The following SETD1A variants were observed in gnomAD, a reference collection of about 807,000 sequenced individuals.
The protein encoded by SETD1A is SET domain containing 1A, histone lysine methyltransferase.
SETD1A carries 29 observed loss-of-function variants against 149.9 expected under a neutral mutation model. The ratio of observed to expected loss-of-function variants is 0.19; its 90% CI spans 0.14 to 0.26. The LOEUF is 0.26. SETD1A is among the 10% of genes least tolerant of loss of function. The pLI is 1.00. For missense variants in SETD1A, 2,109 were observed against 2,353.1 expected, an observed-to-expected ratio of 0.90 and a Z score of 2.15; for synonymous variants, 1,141 against 968.5, an observed-to-expected ratio of 1.18 and a Z score of -3.31.
intron 12 of SETD1A, 42 bp from the exon 13 acceptor site, chr16:30,971,336 A>G (rs755105953): frequency 5.9e-6 from 9 of 1,535,442 alleles, no homozygotes; most frequent in Non-Finnish European, 7.9e-6. Context: ...TGGCCAAGTG[A>G]GGTCTGCCCA....
At chr16:30,966,530 G>A (rs2056149943) in intron 8 of SETD1A, 144 bp downstream of exon 8, 1 of 1,321,488 alleles carries the variant, frequency 7.6e-7, no homozygotes, top group Non-Finnish European at 1.0e-6. Flanking sequence ...CACCCTGGGT[G>A]GGCAGGGGAG....
chr16:30,983,843 T>C lies in SETD1A; in HGVS notation c.4951-7T>C. On this transcript the variant is annotated splice_region_variant and splice_polypyrimidine_tract_variant and intron_variant, in intron 18 of 18. Coordinates refer to ENST00000262519, the MANE Select transcript of SETD1A (RefSeq NM_014712.3). This position sits in a 1 kb window ranked among gnomAD's most constrained non-coding sequence, Gnocchi z 6.8. Reference sequence around the variant, plus strand: ...TGGCCACGGCTCACACGCCCTTCCATCCGCAGCCTAACTGCTACGCCAAGG... The same window carrying C: ...TGGCCACGGCTCACACGCCCTTCCACCCGCAGCCTAACTGCTACGCCAAGG... 1 of 1,610,128 alleles carries C rather than the reference T, an allele frequency of 6.2e-7. No homozygotes were observed. Among genetic ancestry groups the C allele is most frequent in the East Asian group, 2.2e-5 (1 of 44,768 alleles).
At position 30,971,664 on chromosome 16, in the gene SETD1A, A is replaced by G. The variant is rs1342862340; in HGVS notation, c.3303A>G (p.Ala1101=). ...AGGTGCCAGTGCCGGAAAGGGTTGC[A>G]GGCTCCCCAGTCACACCCCTGCCCG... ...PVEVPVPERV[A]GSPVTPLPEQ... is the part of the protein sequence containing the mutation. Residue 1101 remains alanine, a synonymous_variant, in exon 13 of 19, where the codon GCA becomes GCG. Transcript: ENST00000262519. The G allele has an allele frequency of 6.2e-7, 1 of 1,607,424 alleles. No homozygotes were observed. Among genetic ancestry groups the G allele is most frequent in the Admixed American group, 1.7e-5 (1 of 59,626 alleles).
intron 13 of SETD1A, among the ~76,000 whole-genome samples, chr16:30,975,837 G>A (rs1433558474): frequency 1.3e-5 from 2 of 152,142 alleles, no homozygotes; most frequent in Non-Finnish European, 2.9e-5. Context: ...AGCAAGAAGA[G>A]AGGGCAGGGT....
chr16:30,979,046 G>A (rs997708919), intron 13 of SETD1A, 99 bp from the exon 14 acceptor site: 20 of 1,256,010 alleles, frequency 1.6e-5, no homozygotes, highest in Non-Finnish European at 2.2e-5. Flanking sequence ...TTCCTGGGCG[G>A]AAGTGGGGGA....
chr16:30,981,473 C>T (rs1036076175), intron 17 of SETD1A, among the ~76,000 whole-genome samples: 1 of 152,200 alleles, frequency 6.6e-6, no homozygotes, highest in East Asian at 1.9e-4. Context: ...CTCCTGGGTT[C>T]AAGCGATTCT....
chr16:30,966,777 G>C (rs541770100), intron 8 of SETD1A, 107 bp from the exon 9 acceptor site: 2 of 1,270,602 alleles, frequency 1.6e-6, no homozygotes, highest in South Asian at 1.6e-5. Flanking sequence ...AAGATATGGA[G>C]CAGCAAGTAG....
rs2056121312 is a variant in SETD1A, at chr16:30,965,140, C to T, written c.1398C>T (p.Ala466=). The change falls in exon 7 of 19, where the codon GCC becomes GCT. Residue 466 remains alanine (A), a synonymous_variant. Coordinates refer to ENST00000262519, the MANE Select transcript of SETD1A (RefSeq NM_014712.3). ...VRTSPRPASP[A]RSGSPAPETT... ...CTTCCCCCCGCCCAGCCTCCCCTGC[C>T]CGCTCTGGCTCCCCAGCCCCGGAGA... is the stretch of plus-strand genomic sequence containing the variant. 1 of 1,613,024 alleles carries T rather than the reference C, an allele frequency of 6.2e-7. No homozygotes were observed. Among genetic ancestry groups the T allele is most frequent in the Admixed American group, 1.7e-5 (1 of 60,008 alleles).
chr16:30,960,285 C>T (rs1291968712), intron 3 of SETD1A, among the ~76,000 whole-genome samples: 1 of 152,176 alleles, frequency 6.6e-6, no homozygotes, highest in Non-Finnish European at 1.5e-5. Context: ...GGTTATTGAC[C>T]TGGCCAAGCC....
chr16:30,983,581 T>C lies in SETD1A; in HGVS notation c.4813-54T>C. ...CTGGGGTGCTGGCTGGCAGGCGTGCTCAGGGGCAGGAAGTGGGGGACTCTT... is the reference window on the plus strand; with the variant it reads ...CTGGGGTGCTGGCTGGCAGGCGTGCCCAGGGGCAGGAAGTGGGGGACTCTT... On this transcript the variant is annotated intron_variant, in intron 17 of 18. Coordinates refer to ENST00000262519, the MANE Select transcript of SETD1A (RefSeq NM_014712.3). This position sits in a 1 kb window ranked among gnomAD's most constrained non-coding sequence, Gnocchi z 6.8. The C allele has an allele frequency of 6.3e-7, 1 of 1,581,740 alleles. No individual in the cohort carries two copies. Among genetic ancestry groups the C allele is most frequent in the South Asian group, 1.2e-5 (1 of 86,126 alleles).
In SETD1A at chr16:30,979,331, C is replaced by A. The variant is rs1251065119; in HGVS notation, c.3545C>A (p.Pro1182His). 6.2e-7 allele frequency: 1 copy of A among 1,613,452 alleles called. No individual in the cohort carries two copies. Among genetic ancestry groups the A allele is most frequent in the South Asian group, 1.1e-5 (1 of 91,050 alleles). Residue 1182 changes from proline (P) to histidine (H), a missense_variant, in exon 14 of 19, where the codon CCT becomes CAT. By Grantham distance (77) the Pro-to-His change is moderately conservative (BLOSUM62 -2). Coordinates refer to ENST00000262519, the MANE Select transcript of SETD1A (RefSeq NM_014712.3). ...AIEVVPAPEP[P>H]PATPPQAKFP... Reference sequence around the variant, plus strand: ...GAGGTGGTGCCAGCCCCGGAGCCCCCTCCAGCCACACCGCCGCAGGCCAAG... The same window carrying A: ...GAGGTGGTGCCAGCCCCGGAGCCCCATCCAGCCACACCGCCGCAGGCCAAG...
At chr16:30,969,044 G>A (rs1030931697) in intron 10 of SETD1A, among the ~76,000 whole-genome samples, 2 of 152,110 alleles carry the variant, frequency 1.3e-5, no homozygotes, top group African/African-American at 4.8e-5. Context: ...GCAGGTTGAG[G>A]CTGCAGTGAG....
At position 30,961,447 on chromosome 16, in the gene SETD1A, A is replaced by G. The variant is rs766153397; in HGVS notation, c.427A>G (p.Thr143Ala). 4 of 1,614,032 alleles carry G rather than the reference A, an allele frequency of 2.5e-6. No individual in the cohort carries two copies. In the East Asian group the frequency reaches 8.9e-5, roughly 36 times the overall value. The change falls in exon 4 of 19, where the codon ACC becomes GCC. Residue 143 changes from threonine (T) to alanine (A), a missense_variant. Coordinates refer to ENST00000262519, the MANE Select transcript of SETD1A (RefSeq NM_014712.3). This position sits in a 1 kb window ranked among gnomAD's most constrained non-coding sequence, Gnocchi z 4.0. ...KHLGLARVLF[T>A]STRGAKETVK... ...CCTGGGCCTGGCCCGTGTGCTCTTC[A>G]CCAGCACTCGGGGCGCCAAGGAAAC...
chr16:30,983,817 G>T lies in SETD1A; in HGVS notation c.4951-33G>T. On this transcript the variant is annotated intron_variant, in intron 18 of 18. Coordinates refer to ENST00000262519, the MANE Select transcript of SETD1A (RefSeq NM_014712.3). This position sits in a 1 kb window ranked among gnomAD's most constrained non-coding sequence, Gnocchi z 6.8. ...GGGCAGGAGTTGGGGGTCGGTGGGG[G>T]TGGCCACGGCTCACACGCCCTTCCA... 1 of 1,611,318 alleles carries T rather than the reference G, an allele frequency of 6.2e-7. No individual in the cohort carries two copies. Among genetic ancestry groups the T allele is most frequent in the South Asian group, 1.1e-5 (1 of 90,878 alleles).
rs1596675003 is a variant in SETD1A at position 30,965,041 on chromosome 16, A to G, written c.1299A>G (p.Pro433=). 6.2e-7 allele frequency: 1 copy of G among 1,611,608 alleles called. No homozygotes were observed. Among genetic ancestry groups the G allele is most frequent in the Admixed American group, 1.7e-5 (1 of 59,884 alleles). ...ACCGGCCTCCTGCCTCAGAGGCTCC[A>G]CCCCCGGAGCCTCCAGAACCTGGTG... ...QDYRPPASEA[P]PPEPPEPGGG... is the part of the protein sequence containing the mutation. Residue 433 remains proline (P), a synonymous_variant, in exon 7 of 19, where the codon CCA becomes CCG. Transcript: ENST00000262519.
chr16:30,960,494 C>T (rs2056035792), intron 3 of SETD1A, among the ~76,000 whole-genome samples: 1 of 152,210 alleles, frequency 6.6e-6, no homozygotes, highest in African/African-American at 2.4e-5. Flanking sequence ...ACAAAAGTTT[C>T]CTTCCCTGGG....
chr16:30,970,174 G>A (rs568687163), intron 12 of SETD1A, among the ~76,000 whole-genome samples: 1 of 151,784 alleles, frequency 6.6e-6, no homozygotes, highest in Non-Finnish European at 1.5e-5. Flanking sequence ...TCACTATGTT[G>A]GCCAGACTGG....
chr16:30,978,005 G>A (rs1264093984), intron 13 of SETD1A, among the ~76,000 whole-genome samples: 2 of 151,906 alleles, frequency 1.3e-5, no homozygotes, highest in Admixed American at 6.6e-5. Context: ...GCTGGGTACA[G>A]TGGCTCACGC....
intron 1 of SETD1A, 75 bp from the exon 2 acceptor site, chr16:30,958,642 C>A: frequency 7.6e-7 from 1 of 1,312,646 alleles, no homozygotes; most frequent in Non-Finnish European, 1.1e-6. Context: ...GGAATCGGGG[C>A]TAGCCAATGA....
Sources: allele counts gnomAD v4.1 joint callset (sites outside exome capture counted in the v4.1 genomes callset), GRCh38; gene constraint gnomAD v4.1.1; non-coding constraint Gnocchi (gnomAD v3.1); transcripts MANE v1.5; gene names NCBI Gene and HGNC (gene_info 2026-07-23, HGNC 2026-07-21).